Variants in ADK observed in about 807,000 individuals in gnomAD.
The protein encoded by ADK is N6,N6-dimethyladenosine kinase.
ADK carries 24 observed loss-of-function variants against 44.7 expected under a neutral mutation model. The observed-to-expected ratio is 0.54, with a 90% CI of 0.39 to 0.76. The LOEUF (loss-of-function observed/expected upper bound fraction) is 0.76. Ranked by LOEUF, ADK falls within the 30% of genes least tolerant of loss-of-function variation. The probability of loss-of-function intolerance (pLI) is 0.00; values close to 1 mark genes in which losing one functional copy is unlikely to be tolerated. For missense variants in ADK, 321 were observed against 425.1 expected, an observed-to-expected ratio of 0.76 and a Z score of 2.15; for synonymous variants, 128 against 142.6, an observed-to-expected ratio of 0.90 and a Z score of 0.73.
In ADK at chr10:74,440,738, G is replaced by A. The variant is rs186839529; in HGVS notation, c.555+42159G>A. 3.2e-4 allele frequency among the ~76,000 whole-genome samples: 48 copies of A among 152,142 alleles called. No individual in the cohort carries two copies. In the East Asian group the frequency reaches 6.0e-3, roughly 19 times the overall value. The stretch of plus-strand genomic sequence containing the variant: ...TTTCAAATGGCCCTACCAATTCAGC[G>A]CATAATTGTATATGCTTATCATTTT... On this transcript the variant is annotated intron_variant, in intron 6 of 10. Coordinates refer to ENST00000539909, the MANE Select transcript of ADK (RefSeq NM_006721.4).
chr10:74,662,713 G>GCTT (rs1854784152), intron 9 of ADK, among the ~76,000 whole-genome samples: 1 of 152,140 alleles, frequency 6.6e-6, no homozygotes, highest in African/African-American at 2.4e-5. Flanking sequence ...GCCTTCTTTA[G>GCTT]CTTCAGCAGT....
chr10:74,339,895 A>C (rs775735940), intron 4 of ADK, among the ~76,000 whole-genome samples: 6 of 152,200 alleles, frequency 3.9e-5, no homozygotes, highest in Non-Finnish European at 7.4e-5. Flanking sequence ...TTTTCCTGAA[A>C]AAATGATTTA....
intron 7 of ADK, among the ~76,000 whole-genome samples, chr10:74,552,543 A>T (rs746912963): frequency 6.6e-6 from 1 of 152,062 alleles, no homozygotes; most frequent in Non-Finnish European, 1.5e-5. Flanking sequence ...CAAAATTTGC[A>T]CAAAAGCATT....
chr10:74,702,769 T>C (rs111980771), intron 10 of ADK, among the ~76,000 whole-genome samples: 40 of 151,974 alleles, frequency 2.6e-4, no homozygotes, highest in African/African-American at 9.7e-4. Context: ...TGGCAAATTT[T>C]TGTATTTTTA....
intron 5 of ADK, among the ~76,000 whole-genome samples, chr10:74,396,576 G>C (rs956993298): frequency 6.6e-6 from 1 of 152,100 alleles, no homozygotes; most frequent in Non-Finnish European, 1.5e-5. Context: ...AGAAATTGAA[G>C]TGTTTGGGTA....
intron 4 of ADK, among the ~76,000 whole-genome samples, chr10:74,357,342 G>A (rs2131929051): frequency 6.6e-6 from 1 of 152,026 alleles, no homozygotes; most frequent in South Asian, 2.1e-4. Context: ...ATTTTGCTGT[G>A]TTACCCAGTC....
At chr10:74,679,914 C>T (rs950347086) in intron 10 of ADK, among the ~76,000 whole-genome samples, 4 of 152,028 alleles carry the variant, frequency 2.6e-5, no homozygotes, top group East Asian at 1.9e-4. Context: ...GCTGGGATGG[C>T]ACCACCACAC....
chr10:74,299,557 A>G (rs943181095), intron 3 of ADK, among the ~76,000 whole-genome samples: 1 of 148,240 alleles, frequency 6.7e-6, no homozygotes, highest in South Asian at 2.1e-4. Flanking sequence ...ACATATTTAT[A>G]TCATAAACTT....
chr10:74,523,921 C>T (rs1319438280), intron 6 of ADK, among the ~76,000 whole-genome samples: 2 of 152,172 alleles, frequency 1.3e-5, no homozygotes, highest in Non-Finnish European at 2.9e-5. Flanking sequence ...TTCCCATAAG[C>T]TTGTTATTCC....
chr10:74,312,022 T>C (rs1840449348), intron 3 of ADK, among the ~76,000 whole-genome samples: 1 of 151,944 alleles, frequency 6.6e-6, no homozygotes, highest in Non-Finnish European at 1.5e-5. Context: ...AAAAATTAGC[T>C]GGGCATGGTG....
At chr10:74,186,434 C>T (rs1014388543) in intron 1 of ADK, among the ~76,000 whole-genome samples, 1 of 152,004 alleles carries the variant, frequency 6.6e-6, no homozygotes, top group East Asian at 1.9e-4. Flanking sequence ...TGTGCACCAC[C>T]ACGCCTGGCT....
intron 9 of ADK, among the ~76,000 whole-genome samples, chr10:74,638,876 C>T (rs986619570): frequency 6.6e-6 from 1 of 152,116 alleles, no homozygotes; most frequent in Non-Finnish European, 1.5e-5. Context: ...ACAATTACAG[C>T]TCACTGCAAC....
intron 2 of ADK, among the ~76,000 whole-genome samples, chr10:74,201,648 G>A (rs7910626): frequency 0.64 from 81,126 of 126,306 alleles, 25,062 homozygotes; most frequent in Middle Eastern, 0.78. Context: ...GTGTGTATAT[G>A]TATGTATGTA....
chr10:74,245,609 GAGAC>G (rs1845386436), intron 3 of ADK, among the ~76,000 whole-genome samples: 2 of 70,876 alleles, frequency 2.8e-5, no homozygotes, highest in South Asian at 9.2e-4. Context: ...TTTTTTTTTT[GAGAC>G]AGAGTCTTAC....
In ADK at chr10:74,329,113, A is replaced by G. The variant is rs1365239631; in HGVS notation, c.273+14368A>G. 2.8e-5 allele frequency among the ~76,000 whole-genome samples: 4 copies of G among 144,344 alleles called. No individual in the cohort carries two copies. The East Asian group carries it at 7.8e-4, about 28-fold the overall frequency. The allele number at this position is 144,344 out of a possible 152,430, so 94.7% of individuals were successfully genotyped here. A position where few individuals can be genotyped will look rare whatever the true frequency, so the allele number is the denominator to read the frequency against. On this transcript the variant is annotated intron_variant, in intron 4 of 10. Transcript: ENST00000539909. Reference sequence around the variant, plus strand: ...TCTAATCTTCTGTGCAGGCAAAAAAAAAAAAAAAAAAAAAAAAGAAATTCT... The same window carrying G: ...TCTAATCTTCTGTGCAGGCAAAAAAGAAAAAAAAAAAAAAAAAGAAATTCT...
chr10:74,665,736 T>TGAGAGAGAGAGA (rs59620474), intron 9 of ADK, among the ~76,000 whole-genome samples: 43 of 116,280 alleles, frequency 3.7e-4, no homozygotes, highest in South Asian at 6.4e-4. Flanking sequence ...CCTTAGCTCT[T>TGAGAGAGAGAGA]GAGAGAGAGA....
At chr10:74,535,578 C>CTTTTTTTTTTTTTTTTTTTTTTTTTTTT (rs1564778885) in intron 7 of ADK, among the ~76,000 whole-genome samples, 1 of 147,754 alleles carries the variant, frequency 6.8e-6, no homozygotes. Context: ...GGTTTTGACC[C>CTTTTTTTTTTTTTTTTTTTTTTTTTTTT]TATTTTTTTT....
At chr10:74,328,840 G>A (rs191179210) in intron 4 of ADK, among the ~76,000 whole-genome samples, 7 of 151,856 alleles carry the variant, frequency 4.6e-5, no homozygotes, top group East Asian at 1.9e-4. Context: ...TTATAGCAGC[G>A]TGAAAATGGA....
intron 10 of ADK, among the ~76,000 whole-genome samples, chr10:74,694,146 C>CTTTTT (rs1266786094): frequency 0.054 from 1,931 of 35,782 alleles, 24 homozygotes; most frequent in South Asian, 0.18. Context: ...TTTTCAAACA[C>CTTTTT]ATTTTTTTTT....
Sources: allele counts gnomAD v4.1 joint callset (sites outside exome capture counted in the v4.1 genomes callset), GRCh38; gene constraint gnomAD v4.1.1; transcripts MANE v1.5; gene names NCBI Gene and HGNC (gene_info 2026-07-23, HGNC 2026-07-21).